The following LRRTM4 variants were observed in gnomAD, a reference collection of about 807,000 sequenced individuals.
The protein encoded by LRRTM4 is leucine-rich repeat transmembrane neuronal protein 4.
A neutral mutation model predicts 47.6 loss-of-function variants in LRRTM4; 25 were observed. The observed-to-expected ratio is 0.53, with a 90% CI of 0.38 to 0.73. The LOEUF (loss-of-function observed/expected upper bound fraction) is 0.73, where lower values mean the gene tolerates loss of function less well. Ranked by LOEUF, LRRTM4 falls within the 30% of genes least tolerant of loss-of-function variation. The pLI, the probability that LRRTM4 is intolerant of heterozygous loss-of-function variation, is 0.00. For missense variants in LRRTM4, 638 were observed against 713.4 expected, an observed-to-expected ratio of 0.89 and a Z score of 1.20; for synonymous variants, 311 against 269.5, an observed-to-expected ratio of 1.15 and a Z score of -1.51.
At chr2:77,024,142 G>A (rs1183096002) in intron 3 of LRRTM4, among the ~76,000 whole-genome samples, 1 of 152,012 alleles carries the variant, frequency 6.6e-6, no homozygotes, top group Non-Finnish European at 1.5e-5. Flanking sequence ...AACAGTATTG[G>A]GGAAACCACT....
chr2:76,800,469 C>T (rs1374823298), intron 3 of LRRTM4, among the ~76,000 whole-genome samples: 3 of 141,874 alleles, frequency 2.1e-5, no homozygotes, highest in African/African-American at 5.4e-5. Context: ...GGATTAAAGA[C>T]TTAAACGTTA....
At chr2:77,331,747 C>A (rs995160438) in intron 3 of LRRTM4, among the ~76,000 whole-genome samples, 1 of 152,112 alleles carries the variant, frequency 6.6e-6, no homozygotes, top group Non-Finnish European at 1.5e-5. Context: ...TATTGCATCT[C>A]ATGATTACTT....
Position 77,315,102 on chromosome 2 carries a change from G to A in LRRTM4, c.1551+203216C>T, listed in dbSNP as rs185093244. On this transcript the variant is annotated intron_variant, in intron 3 of 3. Coordinates refer to ENST00000409884, the MANE Select transcript of LRRTM4 (RefSeq NM_001134745.3). ...AGGTTTATTAGGAAGTAACCCCATCGTAAGGAGAGAAGCATCTATTTGTAC... is the reference window on the plus strand; with the variant it reads ...AGGTTTATTAGGAAGTAACCCCATCATAAGGAGAGAAGCATCTATTTGTAC... Among the ~76,000 whole-genome samples, 38 of 152,182 alleles carry A rather than the reference G, an allele frequency of 2.5e-4. No homozygotes were observed. The East Asian group carries it at 4.8e-3, about 19-fold the overall frequency.
At chr2:76,884,562 G>A (rs905838570) in intron 3 of LRRTM4, among the ~76,000 whole-genome samples, 2 of 152,000 alleles carry the variant, frequency 1.3e-5, no homozygotes, top group Non-Finnish European at 2.9e-5. Context: ...ATAGAATATA[G>A]AATGTAAAAT....
intron 3 of LRRTM4, among the ~76,000 whole-genome samples, chr2:77,159,772 A>G (rs1193847395): frequency 6.6e-6 from 1 of 151,946 alleles, no homozygotes; most frequent in Non-Finnish European, 1.5e-5. Flanking sequence ...GAAGTACATC[A>G]TGATTTCTGT....
intron 3 of LRRTM4, among the ~76,000 whole-genome samples, chr2:76,786,587 A>G (rs1674686146): frequency 6.6e-6 from 1 of 152,094 alleles, no homozygotes. Flanking sequence ...TAACAAACAG[A>G]GGAAGAAAAC....
intron 3 of LRRTM4, chr2:77,517,509 G>C (rs1679255460): frequency 2.0e-6 from 2 of 984,924 alleles, no homozygotes; most frequent in Non-Finnish European, 2.4e-6. Context: ...CCTGATTTTA[G>C]TTACCAGGGA....
chr2:77,423,334 A>C (rs1674976966), intron 3 of LRRTM4, among the ~76,000 whole-genome samples: 1 of 133,548 alleles, frequency 7.5e-6, no homozygotes, highest in East Asian at 2.0e-4. Flanking sequence ...AATAATTCCC[A>C]AAATTTAAAT....
chr2:77,145,954 A>G (rs1672251520), intron 3 of LRRTM4, among the ~76,000 whole-genome samples: 2 of 152,168 alleles, frequency 1.3e-5, no homozygotes, highest in African/African-American at 4.8e-5. Context: ...AAATTCCATC[A>G]CTGTAACAGC....
intron 3 of LRRTM4, among the ~76,000 whole-genome samples, chr2:76,895,841 C>T (rs903071177): frequency 1.3e-5 from 2 of 152,086 alleles, no homozygotes; most frequent in Admixed American, 6.6e-5. Context: ...ACCCCGATTA[C>T]TTACCTTGAC....
intron 3 of LRRTM4, among the ~76,000 whole-genome samples, chr2:76,878,912 T>A (rs1159370431): frequency 6.6e-6 from 1 of 152,112 alleles, no homozygotes; most frequent in Non-Finnish European, 1.5e-5. Context: ...ACTGCTGATA[T>A]GAAGAAATTT....
At chr2:77,199,030 G>T (rs1395880206) in intron 3 of LRRTM4, among the ~76,000 whole-genome samples, 1 of 152,030 alleles carries the variant, frequency 6.6e-6, no homozygotes, top group African/African-American at 2.4e-5. Context: ...TGTGTCCTTG[G>T]TATCTGTAGA....
chr2:77,018,494 C>T (rs948389459), intron 3 of LRRTM4, among the ~76,000 whole-genome samples: 7 of 152,144 alleles, frequency 4.6e-5, no homozygotes, highest in Middle Eastern at 3.4e-3. Flanking sequence ...GATGGATTAA[C>T]GCATGATGGC....
intron 3 of LRRTM4, among the ~76,000 whole-genome samples, chr2:76,906,959 A>T (rs1269824953): frequency 1.3e-4 from 20 of 152,220 alleles, no homozygotes; most frequent in African/African-American, 4.8e-4. Flanking sequence ...GTTAACAAGG[A>T]TACCCAGGAA....
chr2:77,215,196 T>A (rs1355697116), intron 3 of LRRTM4, among the ~76,000 whole-genome samples: 1 of 151,936 alleles, frequency 6.6e-6, no homozygotes, highest in Non-Finnish European at 1.5e-5. Flanking sequence ...TATGTAATGA[T>A]CAAAAGACAC....
intron 3 of LRRTM4, among the ~76,000 whole-genome samples, chr2:76,757,108 C>T (rs1449618710): frequency 6.6e-6 from 1 of 151,938 alleles, no homozygotes; most frequent in East Asian, 1.9e-4. Flanking sequence ...CATTTCTTTT[C>T]TTATGGGCTA....
At chr2:77,199,201 A>T (rs1199657735) in intron 3 of LRRTM4, among the ~76,000 whole-genome samples, 1 of 152,142 alleles carries the variant, frequency 6.6e-6, no homozygotes, top group African/African-American at 2.4e-5. Context: ...AATCTTAATA[A>T]CAGTATTTAA....
rs1490209556 is a variant in LRRTM4 at position 77,263,662 on chromosome 2, T to C, written c.1551+254656A>G. ...AAGAGTATTGTGGAAGAAAACAGTT[T>C]TTGTTTTTCCTGCTATACAGATACA... On this transcript the variant is annotated intron_variant, in intron 3 of 3. Coordinates refer to ENST00000409884, the MANE Select transcript of LRRTM4 (RefSeq NM_001134745.3). Among the ~76,000 whole-genome samples the C allele has an allele frequency of 2.6e-5, 4 of 152,252 alleles. No homozygotes were observed. In the East Asian group the frequency reaches 5.8e-4, roughly 22 times the overall value.
At chr2:77,154,783 A>T (rs1444190821) in intron 3 of LRRTM4, among the ~76,000 whole-genome samples, 1 of 152,156 alleles carries the variant, frequency 6.6e-6, no homozygotes, top group Non-Finnish European at 1.5e-5. Context: ...GTCTCTGTAC[A>T]GTTAGGGCAT....
Sources: allele counts gnomAD v4.1 joint callset (sites outside exome capture counted in the v4.1 genomes callset), GRCh38; gene constraint gnomAD v4.1.1; transcripts MANE v1.5; gene names NCBI Gene and HGNC (gene_info 2026-07-23, HGNC 2026-07-21).